The following WNT3 variants were observed in gnomAD, a reference collection of about 807,000 sequenced individuals.
The protein encoded by WNT3 is proto-oncogene Wnt-3.
A neutral mutation model predicts 34.2 loss-of-function variants in WNT3; 7 were observed. The observed-to-expected ratio is 0.20, with a 90% CI of 0.12 to 0.38. WNT3 has a LOEUF of 0.38. Among genes scored for constraint, WNT3 ranks in the 10% least tolerant of loss-of-function variants. The probability of loss-of-function intolerance (pLI) is 1.00; values close to 1 mark genes in which losing one functional copy is unlikely to be tolerated. For missense variants in WNT3, 267 were observed against 499.8 expected (o/e 0.53, Z 4.44); for synonymous variants, 212 against 211.5 (o/e 1.00, Z -0.02).
At chr17:46,792,763 C>G (rs536338688) in intron 1 of WNT3, among the ~76,000 whole-genome samples, 1 of 152,240 alleles carries the variant, frequency 6.6e-6, no homozygotes, top group Non-Finnish European at 1.5e-5. Flanking sequence ...TGAGCCATCA[C>G]GCCTGGCCAG....
At chr17:46,804,173 C>G (rs995499691) in intron 1 of WNT3, among the ~76,000 whole-genome samples, 1 of 151,954 alleles carries the variant, frequency 6.6e-6, no homozygotes, top group Non-Finnish European at 1.5e-5. Context: ...CTGCAACCAC[C>G]ACCTCCTGGG....
intron 1 of WNT3, among the ~76,000 whole-genome samples, chr17:46,789,397 A>C (rs1242030891): frequency 6.6e-6 from 1 of 152,076 alleles, no homozygotes; most frequent in African/African-American, 2.4e-5. Flanking sequence ...AAATACAGAC[A>C]CCCAGGCTCC....
At chr17:46,765,144 T>C (rs2059301750) in intron 4 of WNT3, among the ~76,000 whole-genome samples, 1 of 152,200 alleles carries the variant, frequency 6.6e-6, no homozygotes, top group African/African-American at 2.4e-5. Flanking sequence ...TCACAAAGGG[T>C]TTGAGGCATT....
intron 1 of WNT3, among the ~76,000 whole-genome samples, chr17:46,800,984 G>A (rs1314808667): frequency 6.6e-6 from 1 of 152,166 alleles, no homozygotes; most frequent in Admixed American, 6.5e-5. Context: ...CGAGAACAAC[G>A]CAGACTGTAA....
In WNT3 at chr17:46,762,533, T is replaced by C. The variant is rs1160434370; in HGVS notation, c.*2097A>G. 3 of 151,722 alleles carry C rather than the reference T, an allele frequency of 2.0e-5. No individual in the cohort carries two copies. Among genetic ancestry groups the C allele is most frequent in the Non-Finnish European group, 4.4e-5 (3 of 67,984 alleles). The allele number at this position is 151,722 out of a possible 1,614,324, so 9.4% of individuals were successfully genotyped here. A position where few individuals can be genotyped will look rare whatever the true frequency, so the allele number is the denominator to read the frequency against. ...TTAGGTTTGTTTACCTTCTCTTTAA[T>C]GACTTAACAGAAAAAAACTGCATGA... On this transcript the variant is annotated 3_prime_UTR_variant, in exon 5 of 5. Coordinates refer to ENST00000225512, the MANE Select transcript of WNT3 (RefSeq NM_030753.5).
At chr17:46,769,315 CAA>C (rs60504646) in intron 3 of WNT3, among the ~76,000 whole-genome samples, 65 of 102,814 alleles carry the variant, frequency 6.3e-4, no homozygotes, top group Admixed American at 8.1e-4. Flanking sequence ...GACTCCGTCT[CAA>C]AAAAAAAAAA....
intron 1 of WNT3, among the ~76,000 whole-genome samples, chr17:46,812,146 C>G (rs2084284426): frequency 6.6e-6 from 1 of 152,094 alleles, no homozygotes; most frequent in African/African-American, 2.4e-5. Context: ...CCCACCTTCT[C>G]CACTCCCAGA....
chr17:46,770,883 T>C (rs1399882210), intron 2 of WNT3, among the ~76,000 whole-genome samples: 1 of 152,210 alleles, frequency 6.6e-6, no homozygotes, highest in African/African-American at 2.4e-5. Flanking sequence ...CATTGACGAT[T>C]AGGGAGGCCA....
intron 1 of WNT3, among the ~76,000 whole-genome samples, chr17:46,787,977 A>G (rs2059526039): frequency 6.7e-6 from 1 of 148,186 alleles, no homozygotes; most frequent in Admixed American, 6.7e-5. Flanking sequence ...AAAAAAAAAG[A>G]TGTAGCCTCC....
intron 1 of WNT3, among the ~76,000 whole-genome samples, chr17:46,788,646 G>A (rs1418056314): frequency 6.6e-6 from 1 of 152,202 alleles, no homozygotes; most frequent in Non-Finnish European, 1.5e-5. Context: ...ATTGTCCACC[G>A]ACTCCATTGA....
chr17:46,808,925 C>T (rs2084233041), intron 1 of WNT3, among the ~76,000 whole-genome samples: 1 of 152,142 alleles, frequency 6.6e-6, no homozygotes, highest in Non-Finnish European at 1.5e-5. Context: ...CTCTAAGGAC[C>T]CTCCATAGTT....
rs1406932419 is a variant in WNT3, at chr17:46,771,831, G to C, written c.323-1783C>G. Reference sequence around the variant, plus strand: ...TGAATGGCGCGGCGGCCGCGCGGTGGGGGGGCGGTGCTCGGGCGCTTTTCA... The same window carrying C: ...TGAATGGCGCGGCGGCCGCGCGGTGCGGGGGCGGTGCTCGGGCGCTTTTCA... On this transcript the variant is annotated intron_variant, in intron 2 of 4. Transcript: ENST00000225512. Among the ~76,000 whole-genome samples the C allele has an allele frequency of 4.9e-5, 7 of 141,904 alleles. No homozygotes were observed. The South Asian group carries it at 8.4e-4, about 17-fold the overall frequency. The allele number at this position is 141,904 out of a possible 152,430, so 93.1% of individuals were successfully genotyped here. A position where few individuals can be genotyped will look rare whatever the true frequency, so the allele number is the denominator to read the frequency against.
intron 1 of WNT3, among the ~76,000 whole-genome samples, chr17:46,808,352 A>G (rs1405437465): frequency 1.3e-5 from 2 of 152,272 alleles, no homozygotes; most frequent in African/African-American, 2.4e-5. Context: ...AATAGTATCT[A>G]TAAGCCCAAA....
At chr17:46,776,233 T>G (rs952330462) in intron 1 of WNT3, among the ~76,000 whole-genome samples, 20 of 152,338 alleles carry the variant, frequency 1.3e-4, no homozygotes, top group African/African-American at 4.6e-4. Flanking sequence ...GCTTCAGGCC[T>G]GGCCCATCTG....
rs975323916 is a variant in WNT3 at position 46,764,005 on chromosome 17, G to T, written c.*625C>A. On this transcript the variant is annotated 3_prime_UTR_variant, in exon 5 of 5. Coordinates refer to ENST00000225512, the MANE Select transcript of WNT3 (RefSeq NM_030753.5). Reference sequence around the variant, plus strand: ...TTCAAACGGCTGACCAGGCCACCCTGAGCTGCCAGTTCTTCCAAACTCCAA... The same window carrying T: ...TTCAAACGGCTGACCAGGCCACCCTTAGCTGCCAGTTCTTCCAAACTCCAA... 6.6e-6 allele frequency: 1 copy of T among 152,212 alleles called. No homozygotes were observed. Among genetic ancestry groups the T allele is most frequent in the Non-Finnish European group, 1.5e-5 (1 of 68,044 alleles). The allele number at this position is 152,212 out of a possible 1,614,324, so 9.4% of individuals were successfully genotyped here.
Position 46,805,697 on chromosome 17 carries a change from G to T in WNT3, c.80+12821C>A, listed in dbSNP as rs534030255. On this transcript the variant is annotated intron_variant, in intron 1 of 4. Coordinates refer to ENST00000225512, the MANE Select transcript of WNT3 (RefSeq NM_030753.5). Reference sequence around the variant, plus strand: ...CCCCAGGAGATTGAGGCTACAGTGGGCTGTGATTGTACCACTGCACTCCAG... The same window carrying T: ...CCCCAGGAGATTGAGGCTACAGTGGTCTGTGATTGTACCACTGCACTCCAG... Among the ~76,000 whole-genome samples, 45 of 152,304 alleles carry T rather than the reference G, an allele frequency of 3.0e-4. 1 individual carries two copies. Among genetic ancestry groups the T allele is most frequent in the Non-Finnish European group, 5.6e-4 (38 of 68,038 alleles).
At chr17:46,797,340 C>A (rs2084067374) in intron 1 of WNT3, among the ~76,000 whole-genome samples, 1 of 152,134 alleles carries the variant, frequency 6.6e-6, no homozygotes, top group Non-Finnish European at 1.5e-5. Flanking sequence ...AGAGGACTCC[C>A]AGGAAGACGG....
chr17:46,788,190 A>T (rs879447625), intron 1 of WNT3, among the ~76,000 whole-genome samples: 2 of 152,306 alleles, frequency 1.3e-5, no homozygotes, highest in Middle Eastern at 3.4e-3. Flanking sequence ...GAGCTTGGCC[A>T]TCTGTTTCTT....
At chr17:46,804,785 G>T (rs2084171383) in intron 1 of WNT3, among the ~76,000 whole-genome samples, 1 of 152,154 alleles carries the variant, frequency 6.6e-6, no homozygotes, top group African/African-American at 2.4e-5. Flanking sequence ...TCAGTGCTCT[G>T]TAAGAATGCA....
Sources: allele counts gnomAD v4.1 joint callset (sites outside exome capture counted in the v4.1 genomes callset), GRCh38; gene constraint gnomAD v4.1.1; transcripts MANE v1.5; gene names NCBI Gene and HGNC (gene_info 2026-07-23, HGNC 2026-07-21).